Variants in SULF1 observed in about 807,000 individuals in gnomAD.
The protein encoded by SULF1 is sulfatase 1.
A neutral mutation model predicts 110.5 loss-of-function variants in SULF1; 46 were observed. That is an observed-to-expected ratio of 0.42 (90% CI 0.33 to 0.53). SULF1 has a LOEUF of 0.53. Ranked by LOEUF, SULF1 falls within the 20% of genes least tolerant of loss-of-function variation. The pLI is 0.12. For missense variants in SULF1, 941 were observed against 1,094.2 expected, an observed-to-expected ratio of 0.86 and a Z score of 1.98; for synonymous variants, 371 against 387.1, an observed-to-expected ratio of 0.96 and a Z score of 0.49.
At chr8:69,498,584 AC>A (rs1810554377) in intron 2 of SULF1, among the ~76,000 whole-genome samples, 1 of 152,224 alleles carries the variant, frequency 6.6e-6, no homozygotes. Flanking sequence ...GAGACGGTAA[AC>A]TAAGTACCAC....
chr8:69,595,302 A>C (rs1807220702), intron 8 of SULF1, among the ~76,000 whole-genome samples: 1 of 152,224 alleles, frequency 6.6e-6, no homozygotes, highest in Non-Finnish European at 1.5e-5. Flanking sequence ...AGACTTACTC[A>C]GTTCACATCA....
intron 19 of SULF1, chr8:69,638,256 C>G: frequency 2.1e-6 from 1 of 470,230 alleles, no homozygotes; most frequent in East Asian, 4.1e-5. Context: ...AACTAATGTG[C>G]CTGAAATTTT....
chr8:69,478,939 T>C (rs933353145), intron 1 of SULF1, among the ~76,000 whole-genome samples: 8 of 152,184 alleles, frequency 5.3e-5, no homozygotes, highest in Admixed American at 1.3e-4. Context: ...ATTTTAGTCA[T>C]TGAGAATTTT....
chr8:69,595,887 C>T (rs1289758399), intron 8 of SULF1, among the ~76,000 whole-genome samples: 1 of 152,208 alleles, frequency 6.6e-6, no homozygotes, highest in African/African-American at 2.4e-5. Flanking sequence ...TCTCTTGAAA[C>T]TCTTTCTTTG....
intron 7 of SULF1, 117 bp downstream of exon 7, chr8:69,586,625 C>T: frequency 8.7e-7 from 1 of 1,144,554 alleles, no homozygotes; most frequent in Non-Finnish European, 1.2e-6. Context: ...ACAATGTTAG[C>T]ATGAGAAATG....
rs958375593 is a variant in SULF1 at position 69,629,396 on chromosome 8, C to G, written c.2109-108C>G. The G allele has an allele frequency of 7.7e-6, 9 of 1,165,950 alleles. No homozygotes were observed. In the East Asian group the frequency reaches 1.2e-4, roughly 16 times the overall value. The allele number at this position is 1,165,950 out of a possible 1,614,324, so 72.2% of individuals were successfully genotyped here. ...ATACAAAATGAAGGTCGTCCATTAT[C>G]TCTTATCAAGGCATCTAAATATTTG... On this transcript the variant is annotated intron_variant, in intron 18 of 22. Coordinates refer to ENST00000402687, the MANE Select transcript of SULF1 (RefSeq NM_001128205.2).
upstream of SULF1, among the ~76,000 whole-genome samples, chr8:69,492,043 G>A (rs1809966690): frequency 6.9e-6 from 1 of 145,048 alleles, no homozygotes; most frequent in Non-Finnish European, 1.5e-5. Flanking sequence ...GTGCTGGGGA[G>A]TAGGTGAGGC....
chr8:69,626,100 C>CAG lies in SULF1; in HGVS notation c.1851-1109_1851-1108dup, dbSNP rs368860501. The CAG allele has an allele frequency of 2.3e-3, 353 of 150,384 alleles. 1 individual carries two copies. The highest frequency in any genetic ancestry group is 7.3e-3 in the African/African-American group (298 of 40,718). 9.3% of individuals were successfully genotyped at this position (150,384 alleles called of 1,614,324 possible). A position where few individuals can be genotyped will look rare whatever the true frequency, so the allele number is the denominator to read the frequency against. On this transcript the variant is annotated intron_variant, in intron 15 of 22. Coordinates refer to ENST00000402687, the MANE Select transcript of SULF1 (RefSeq NM_001128205.2). The stretch of plus-strand genomic sequence containing the variant: ...GTGTTTACAAACCTTGAGCTAGATA[C>CAG]AGTGTCAAATGGTGTATTCACAATC...
intron 5 of SULF1, among the ~76,000 whole-genome samples, chr8:69,569,506 T>A (rs1254784945): frequency 1.3e-5 from 2 of 152,260 alleles, no homozygotes; most frequent in African/African-American, 4.8e-5. Flanking sequence ...ACTACTGTGT[T>A]GTCCCTCAAT....
intron 19 of SULF1, among the ~76,000 whole-genome samples, chr8:69,635,999 A>C (rs1371842202): frequency 1.3e-5 from 2 of 152,210 alleles, no homozygotes; most frequent in African/African-American, 4.8e-5. Flanking sequence ...GGATGATAAT[A>C]ATAACCTCTG....
chr8:69,632,399 A>AAT, intron 19 of SULF1, among the ~76,000 whole-genome samples: 1 of 152,294 alleles, frequency 6.6e-6, no homozygotes, highest in Non-Finnish European at 1.5e-5. Flanking sequence ...GTGTATATGT[A>AAT]ATATATATAC....
At chr8:69,592,241 G>C (rs987324643) in intron 8 of SULF1, among the ~76,000 whole-genome samples, 4 of 152,154 alleles carry the variant, frequency 2.6e-5, no homozygotes, top group African/African-American at 9.7e-5. Flanking sequence ...CTAGAAACTG[G>C]AGAATGGGCT....
intron 13 of SULF1, among the ~76,000 whole-genome samples, chr8:69,605,267 C>T (rs1418331540): frequency 6.6e-6 from 1 of 152,164 alleles, no homozygotes; most frequent in African/African-American, 2.4e-5. Flanking sequence ...GCTACTTAGT[C>T]AAAGCACAGG....
At chr8:69,559,732 A>T (rs1390061352) in intron 3 of SULF1, among the ~76,000 whole-genome samples, 1 of 152,210 alleles carries the variant, frequency 6.6e-6, no homozygotes, top group Admixed American at 6.5e-5. Flanking sequence ...TTTCCTCAAG[A>T]CAGCCATCAT....
At chr8:69,502,674 CTTTTTCTTTTTTTTTCTTTTT>C (rs1306599133) in intron 3 of SULF1, among the ~76,000 whole-genome samples, 19 of 124,572 alleles carry the variant, frequency 1.5e-4, no homozygotes, top group East Asian at 1.2e-3. Flanking sequence ...TTTTTCTTTT[CTTTTTCTTTTTTTTTCTTTTT>C]TTTTTTTTTT....
At chr8:69,528,116 T>C (rs1329160300) in intron 3 of SULF1, among the ~76,000 whole-genome samples, 2 of 152,192 alleles carry the variant, frequency 1.3e-5, no homozygotes, top group African/African-American at 4.8e-5. Context: ...CCTTGCCCTT[T>C]GCCCCCACAG....
At chr8:69,564,659 CT>C (rs1184206994) in intron 5 of SULF1, among the ~76,000 whole-genome samples, 1 of 152,230 alleles carries the variant, frequency 6.6e-6, no homozygotes, top group African/African-American at 2.4e-5. Flanking sequence ...CCACTTACTA[CT>C]ACCTTAGATA....
intron 3 of SULF1, among the ~76,000 whole-genome samples, chr8:69,520,319 G>A (rs1377842220): frequency 6.6e-6 from 1 of 151,916 alleles, no homozygotes; most frequent in Non-Finnish European, 1.5e-5. Context: ...ATGAAAAGAA[G>A]ACTTTTTTAG....
At chr8:69,634,812 T>A (rs1052550628) in intron 19 of SULF1, among the ~76,000 whole-genome samples, 7 of 151,716 alleles carry the variant, frequency 4.6e-5, no homozygotes, top group Admixed American at 2.0e-4. Context: ...TAAAAAAAAA[T>A]TTTTTTCTTT....
Sources: allele counts gnomAD v4.1 joint callset (sites outside exome capture counted in the v4.1 genomes callset), GRCh38; gene constraint gnomAD v4.1.1; transcripts MANE v1.5; gene names NCBI Gene and HGNC (gene_info 2026-07-23, HGNC 2026-07-21).